MRS2: variants seen among roughly 807,000 people sequenced by gnomAD.
MRS2 encodes the protein magnesium transporter MRS2.
MRS2 carries 40 observed loss-of-function variants against 52.6 expected under a neutral mutation model. The ratio of observed to expected loss-of-function variants is 0.76; its 90% CI spans 0.59 to 0.99. The LOEUF (loss-of-function observed/expected upper bound fraction) is 0.99, where lower values mean the gene tolerates loss of function less well. Among genes scored for constraint, MRS2 ranks in the 50% least tolerant of loss-of-function variants. The pLI, the probability that MRS2 is intolerant of heterozygous loss-of-function variation, is 0.00. For missense variants in MRS2, 472 were observed against 532.7 expected (o/e 0.89, Z 1.12); for synonymous variants, 193 against 195.9 (o/e 0.98, Z 0.13).
intron 2 of MRS2, among the ~76,000 whole-genome samples, chr6:24,407,084 G>GTATAA (rs200764304): frequency 0.14 from 18,228 of 132,760 alleles, 1,434 homozygotes; most frequent in East Asian, 0.26. Context: ...AAAGCAGTAT[G>GTATAA]TATAAGTATG....
intron 5 of MRS2, among the ~76,000 whole-genome samples, chr6:24,413,764 GCTT>G (rs1033768476): frequency 4.5e-4 from 69 of 152,338 alleles, no homozygotes; most frequent in African/African-American, 1.5e-3. Context: ...CAGTAATTGT[GCTT>G]CTGAGATAAA....
At chr6:24,406,292 A>G (rs1761473901) in intron 2 of MRS2, among the ~76,000 whole-genome samples, 1 of 152,190 alleles carries the variant, frequency 6.6e-6, no homozygotes, top group South Asian at 2.1e-4. Context: ...TAACTCATAT[A>G]TAGAAAGCCC....
intron 6 of MRS2, 140 bp from the exon 7 acceptor site, chr6:24,416,255 CTT>C (rs35657958): frequency 3.3e-3 from 1,280 of 391,714 alleles, no homozygotes; most frequent in East Asian, 8.8e-3. Context: ...AAATACTCAA[CTT>C]TTTTTTTTTT....
At chr6:24,414,746 C>CT (rs1269917555) in intron 5 of MRS2, among the ~76,000 whole-genome samples, 1 of 152,168 alleles carries the variant, frequency 6.6e-6, no homozygotes, top group African/African-American at 2.4e-5. Context: ...TGCCCCTCAC[C>CT]TCCCGGACGG....
chr6:24,417,916 T>A (rs1392794249), intron 7 of MRS2, among the ~76,000 whole-genome samples, 168 bp from the exon 8 acceptor site: 1 of 148,596 alleles, frequency 6.7e-6, no homozygotes, highest in Non-Finnish European at 1.5e-5. Context: ...CACTCCAGCC[T>A]GGGAGCAGAG....
chr6:24,413,632 G>A (rs1165154431), intron 5 of MRS2, among the ~76,000 whole-genome samples: 2 of 152,188 alleles, frequency 1.3e-5, no homozygotes, highest in African/African-American at 4.8e-5. Context: ...TGGCTGTCCA[G>A]TCTTCCCTCC....
At chr6:24,417,392 A>G (rs2753921) in intron 7 of MRS2, among the ~76,000 whole-genome samples, 7,423 of 152,306 alleles carry the variant, frequency 0.049, 212 homozygotes, top group Middle Eastern at 0.071. Context: ...TCAAAAGGAA[A>G]TGGTCTTGAC....
rs867121958 is a variant in MRS2, at chr6:24,414,195, G to C, written c.589-838G>C. On this transcript the variant is annotated intron_variant, in intron 5 of 10. Coordinates refer to ENST00000378386, the MANE Select transcript of MRS2 (RefSeq NM_020662.4). ...ATTGATCATTCTTGGGTGTTTCTCG[G>C]AGAGGGGGATTTGGCAGGGTCATAG... is the stretch of plus-strand genomic sequence containing the variant. Among the ~76,000 whole-genome samples the C allele has an allele frequency of 1.8e-4, 27 of 152,042 alleles. No homozygotes were observed. The South Asian group carries it at 4.6e-3, about 26-fold the overall frequency.
chr6:24,415,158 C>A lies in MRS2; in HGVS notation c.714C>A (p.Gly238=). ...RSKLHILLQN[G]KSLSELETDI... is the part of the protein sequence containing the mutation. ...AACTGCACATTTTACTACAGAATGG[C>A]AAAAGGTAAATATGGATGATGTATC... Residue 238 remains glycine (G), a synonymous_variant, in exon 6 of 11, where the codon GGC becomes GGA. Coordinates refer to ENST00000378386, the MANE Select transcript of MRS2 (RefSeq NM_020662.4). 1.3e-6 allele frequency: 2 copies of A among 1,585,902 alleles called. No homozygotes were observed. Among genetic ancestry groups the A allele is most frequent in the Non-Finnish European group, 8.6e-7 (1 of 1,159,234 alleles).
At chr6:24,422,118 C>A (rs1762063125) in intron 9 of MRS2, among the ~76,000 whole-genome samples, 1 of 152,102 alleles carries the variant, frequency 6.6e-6, no homozygotes, top group African/African-American at 2.4e-5. Flanking sequence ...CCACTGGACT[C>A]CATCCTGGGT....
At chr6:24,414,605 C>A (rs1253604190) in intron 5 of MRS2, among the ~76,000 whole-genome samples, 1 of 152,208 alleles carries the variant, frequency 6.6e-6, no homozygotes, top group African/African-American at 2.4e-5. Context: ...ACATTTCCCC[C>A]TTTTCTATTC....
rs1561809319 is a variant in MRS2 at position 24,412,216 on chromosome 6, T to TTA, written c.415-6_415-5insTA. 12 of 1,534,396 alleles carry TTA rather than the reference T, an allele frequency of 7.8e-6. No individual in the cohort carries two copies. The South Asian group carries it at 8.8e-5, about 11-fold the overall frequency. ...TTATATGTTTTGGTTTTTTTTTTTT[T>TTA]AACAGTATTTGAAAGCTGTGATAAC... is the stretch of plus-strand genomic sequence containing the variant. On this transcript the variant is annotated splice_region_variant and splice_polypyrimidine_tract_variant and intron_variant, in intron 4 of 10. Transcript: ENST00000378386.
At chr6:24,416,647 T>A (rs1761859803) in intron 7 of MRS2, 134 bp downstream of exon 7, 1 of 663,520 alleles carries the variant, frequency 1.5e-6, no homozygotes, top group Non-Finnish European at 2.7e-6. Context: ...CATCCCCAGT[T>A]TCCCTTTTTT....
rs1761853677 is a variant in MRS2 at position 24,416,468 on chromosome 6, T to C, written c.791T>C (p.Leu264Ser). The change falls in exon 7 of 11, where the codon TTG (leucine) becomes TCG (serine). Residue 264 changes from leucine (L) to serine (S), a missense_variant. Coordinates refer to ENST00000378386, the MANE Select transcript of MRS2 (RefSeq NM_020662.4). The part of the protein sequence containing the change: ...SILEILDEEE[L>S]LEELCVSKWS... ...TTGGAGATCTTGGATGAGGAAGAGT[T>C]GCTAGAAGAGCTCTGTGTATCAAAA... 1 of 1,605,628 alleles carries C rather than the reference T, an allele frequency of 6.2e-7. No individual in the cohort carries two copies. The highest frequency in any genetic ancestry group is 8.5e-7 in the Non-Finnish European group (1 of 1,173,128).
intron 4 of MRS2, among the ~76,000 whole-genome samples, chr6:24,410,022 T>C (rs1426744702): frequency 6.6e-6 from 1 of 152,148 alleles, no homozygotes; most frequent in Non-Finnish European, 1.5e-5. Flanking sequence ...GGAGTTTTGC[T>C]CTTGTTGCCC....
intron 10 of MRS2, 62 bp from the exon 11 acceptor site, chr6:24,423,522 C>A (rs1762125659): frequency 1.1e-6 from 1 of 893,536 alleles, no homozygotes; most frequent in South Asian, 1.6e-5. Flanking sequence ...CATAATACAT[C>A]ATTTTACTAG....
intron 2 of MRS2, among the ~76,000 whole-genome samples, chr6:24,407,028 C>A (rs927860881): frequency 1.9e-4 from 29 of 151,828 alleles, no homozygotes; most frequent in Non-Finnish European, 7.4e-5. Context: ...TATTGAGATG[C>A]AAAAATATTC....
chr6:24,404,082 A>G (rs560963599), intron 1 of MRS2, among the ~76,000 whole-genome samples: 9 of 152,362 alleles, frequency 5.9e-5, no homozygotes, highest in African/African-American at 2.2e-4. Context: ...AGAACATAGC[A>G]GTGTCCTCAA....
At chr6:24,420,847 T>C (rs1561815170) in intron 9 of MRS2, among the ~76,000 whole-genome samples, 1 of 152,122 alleles carries the variant, frequency 6.6e-6, no homozygotes, top group Non-Finnish European at 1.5e-5. Context: ...TAGAAGAGCA[T>C]GAGTCAGGTG....
Sources: gnomAD v4.1 joint callset for allele counts (sites outside exome capture counted in the v4.1 genomes callset) on GRCh38, gnomAD v4.1.1 for gene constraint, MANE v1.5 for transcripts, NCBI Gene and HGNC (gene_info 2026-07-23, HGNC 2026-07-21) for gene names.